Variants in SOX6 observed in about 807,000 individuals in gnomAD.
The protein encoded by SOX6 is SRY-box transcription factor 6, also known as transcription factor SOX-6.
In SOX6, 11 loss-of-function variants were observed where a neutral mutation model predicts 97.8. The observed-to-expected ratio is 0.11, with a 90% CI of 0.07 to 0.19. The LOEUF (loss-of-function observed/expected upper bound fraction) is 0.19, where lower values mean the gene tolerates loss of function less well. SOX6 is among the 10% of genes least tolerant of loss of function. SOX6 has a pLI of 1.00. For missense variants in SOX6, 810 were observed against 1,039.5 expected, an observed-to-expected ratio of 0.78 and a Z score of 3.04; for synonymous variants, 360 against 371.4, an observed-to-expected ratio of 0.97 and a Z score of 0.35.
intron 1 of SOX6, among the ~76,000 whole-genome samples, chr11:16,441,622 A>C (rs2133086234): frequency 6.6e-6 from 1 of 152,360 alleles, no homozygotes; most frequent in Non-Finnish European, 1.5e-5. Flanking sequence ...AACATAAAAT[A>C]TCCTCAATGT....
chr11:16,279,389 A>G (rs1854488967), intron 3 of SOX6, among the ~76,000 whole-genome samples: 1 of 152,066 alleles, frequency 6.6e-6, no homozygotes, highest in African/African-American at 2.4e-5. Flanking sequence ...TAAATCAATA[A>G]TTCTCTTCCT....
upstream of SOX6, among the ~76,000 whole-genome samples, chr11:16,358,067 G>A (rs926862040): frequency 1.3e-5 from 2 of 152,140 alleles, no homozygotes; most frequent in Admixed American, 1.3e-4. Flanking sequence ...GAAGGTCACA[G>A]CATTTGCAAC....
chr11:16,075,657 G>T (rs1189426778), intron 9 of SOX6, among the ~76,000 whole-genome samples: 1 of 152,076 alleles, frequency 6.6e-6, no homozygotes, highest in Non-Finnish European at 1.5e-5. Context: ...GTCCTGTTGG[G>T]GAGTGGGGGC....
intron 3 of SOX6, among the ~76,000 whole-genome samples, chr11:16,677,561 G>C (rs953522496): frequency 6.6e-6 from 1 of 152,136 alleles, no homozygotes; most frequent in Non-Finnish European, 1.5e-5. Flanking sequence ...ATTCCTCAGA[G>C]GAAAGTCCAC....
At chr11:16,630,553 C>T (rs1394099696) in intron 3 of SOX6, among the ~76,000 whole-genome samples, 1 of 151,980 alleles carries the variant, frequency 6.6e-6, no homozygotes, top group Middle Eastern at 3.4e-3. Flanking sequence ...GATGAGAAGA[C>T]TGTATACTCT....
chr11:16,061,446 T>C (rs1360101751), intron 9 of SOX6, among the ~76,000 whole-genome samples: 2 of 151,770 alleles, frequency 1.3e-5, no homozygotes, highest in African/African-American at 4.8e-5. Flanking sequence ...AGAACCGGTA[T>C]TGTTAAAATG....
intron 3 of SOX6, among the ~76,000 whole-genome samples, chr11:16,638,663 T>C: frequency 6.6e-6 from 1 of 152,264 alleles, no homozygotes; most frequent in East Asian, 1.9e-4. Context: ...ATTTCTCTGA[T>C]GGCCAGTGAT....
chr11:16,687,148 T>C (rs1847975803), intron 3 of SOX6, among the ~76,000 whole-genome samples: 1 of 152,064 alleles, frequency 6.6e-6, no homozygotes, highest in African/African-American at 2.4e-5. Context: ...AAGAAATACT[T>C]GAGACTGAGT....
At chr11:16,449,214 G>GAGCAGA (rs1859668657) in intron 1 of SOX6, among the ~76,000 whole-genome samples, 1 of 149,662 alleles carries the variant, frequency 6.7e-6, no homozygotes, top group South Asian at 2.1e-4. Context: ...CATGTTGAAC[G>GAGCAGA]AGCAGAAGTA....
At chr11:16,072,275 A>T (rs1848244381) in intron 9 of SOX6, among the ~76,000 whole-genome samples, 1 of 152,118 alleles carries the variant, frequency 6.6e-6, no homozygotes, top group Admixed American at 6.5e-5. Flanking sequence ...GAGCTAAAAA[A>T]CTCACTTCAA....
rs192849274 is a variant in SOX6, at chr11:16,330,827, C to T, written c.237+10185G>A. Among the ~76,000 whole-genome samples, 42 of 152,274 alleles carry T rather than the reference C, an allele frequency of 2.8e-4. 1 individual carries two copies. The East Asian group carries it at 7.9e-3, about 29-fold the overall frequency. On this transcript the variant is annotated intron_variant, in intron 2 of 15. Transcript: ENST00000683767. ...ATCGAAGTCAGGAGATATAAAGTGA[C>T]TTCCCTAAGGTCACACAGCAAATTA...
intron 4 of SOX6, among the ~76,000 whole-genome samples, chr11:16,545,344 CAAAAA>C (rs71455887): frequency 8.2e-6 from 1 of 121,214 alleles, no homozygotes. Context: ...AGTCCAAGCC[CAAAAA>C]AAAAAAAAAA....
chr11:15,981,470 C>T (rs1267191034), intron 15 of SOX6, among the ~76,000 whole-genome samples: 1 of 147,170 alleles, frequency 6.8e-6, no homozygotes, highest in African/African-American at 2.4e-5. Context: ...TGTTTGCTGA[C>T]CCTTCAGACC....
At chr11:16,178,128 A>C (rs979541252) in intron 6 of SOX6, among the ~76,000 whole-genome samples, 3 of 152,066 alleles carry the variant, frequency 2.0e-5, no homozygotes, top group Middle Eastern at 3.4e-3. Context: ...TCCATTGAGT[A>C]GCTCTTGGGA....
At chr11:16,433,057 C>A (rs1156758410) in intron 1 of SOX6, among the ~76,000 whole-genome samples, 2 of 151,968 alleles carry the variant, frequency 1.3e-5, no homozygotes, top group Non-Finnish European at 2.9e-5. Flanking sequence ...TAAAAATAAT[C>A]ATTCTCTCCC....
intron 9 of SOX6, among the ~76,000 whole-genome samples, chr11:16,074,533 C>T (rs1848304188): frequency 6.6e-6 from 1 of 152,100 alleles, no homozygotes; most frequent in South Asian, 2.1e-4. Flanking sequence ...AGAGGTGGCG[C>T]CATTTCTACT....
chr11:16,185,928 C>T (rs1158743835), intron 5 of SOX6, among the ~76,000 whole-genome samples: 1 of 152,084 alleles, frequency 6.6e-6, no homozygotes, highest in Non-Finnish European at 1.5e-5. Context: ...CTATAAAATA[C>T]ATTTAACTGA....
At chr11:16,540,393 C>A (rs1861386276) in intron 4 of SOX6, among the ~76,000 whole-genome samples, 1 of 152,008 alleles carries the variant, frequency 6.6e-6, no homozygotes, top group Non-Finnish European at 1.5e-5. Flanking sequence ...TGGAAGCATT[C>A]CCTTTGAAAA....
intron 4 of SOX6, among the ~76,000 whole-genome samples, chr11:16,221,253 G>C (rs1852530009): frequency 6.6e-6 from 1 of 151,976 alleles, no homozygotes; most frequent in Non-Finnish European, 1.5e-5. Flanking sequence ...TGAATCAAAG[G>C]AACCAAACTT....
Sources: allele counts gnomAD v4.1 joint callset (sites outside exome capture counted in the v4.1 genomes callset), GRCh38; gene constraint gnomAD v4.1.1; transcripts MANE v1.5; gene names NCBI Gene and HGNC (gene_info 2026-07-23, HGNC 2026-07-21).